Variants in ZNF385D observed in about 807,000 individuals in gnomAD.
ZNF385D encodes the protein zinc finger protein 659.
In ZNF385D, 15 loss-of-function variants were observed where a neutral mutation model predicts 35.8. The observed-to-expected ratio is 0.42, with a 90% CI of 0.28 to 0.64. ZNF385D has a LOEUF of 0.64. ZNF385D is among the 30% of genes least tolerant of loss of function. The pLI, the probability that ZNF385D is intolerant of heterozygous loss-of-function variation, is 0.23. For synonymous variants in ZNF385D, 212 were observed against 186.8 expected (o/e 1.13, Z -1.10); for missense variants, 474 against 494.6 (o/e 0.96, Z 0.39).
intron 3 of ZNF385D, among the ~76,000 whole-genome samples, chr3:22,086,408 AACAG>A (rs1368281932): frequency 4.0e-5 from 6 of 151,816 alleles, no homozygotes; most frequent in Non-Finnish European, 7.4e-5. Context: ...ATACACCAAT[AACAG>A]ACAGAGAGCC....
intron 3 of ZNF385D, among the ~76,000 whole-genome samples, chr3:21,866,321 G>A (rs1697358168): frequency 6.6e-6 from 1 of 152,062 alleles, no homozygotes; most frequent in Admixed American, 6.6e-5. Context: ...GGGCATGGTG[G>A]CGTGCACCTG....
intron 1 of ZNF385D, among the ~76,000 whole-genome samples, chr3:21,685,084 G>A (rs1006109756): frequency 1.4e-4 from 21 of 152,254 alleles, no homozygotes; most frequent in Middle Eastern, 3.4e-3. Context: ...AGGAATATAC[G>A]TTTTTAACGC....
chr3:21,793,674 A>T (rs1243119008), intron 3 of ZNF385D, among the ~76,000 whole-genome samples: 1 of 152,222 alleles, frequency 6.6e-6, no homozygotes, highest in African/African-American at 2.4e-5. Flanking sequence ...AAGCGATGGG[A>T]GCAAAACAAA....
At chr3:22,206,267 C>A (rs545769985) in intron 2 of ZNF385D, among the ~76,000 whole-genome samples, 4 of 151,910 alleles carry the variant, frequency 2.6e-5, no homozygotes, top group Non-Finnish European at 5.9e-5. Flanking sequence ...CACTGGAACA[C>A]CCAGATATAT....
chr3:22,242,358 C>G (rs899023043), intron 2 of ZNF385D, among the ~76,000 whole-genome samples: 1 of 150,998 alleles, frequency 6.6e-6, no homozygotes, highest in Non-Finnish European at 1.5e-5. Flanking sequence ...TCTCACTTAT[C>G]AAAACACAGC....
At chr3:21,822,861 A>T (rs973765513) in intron 3 of ZNF385D, among the ~76,000 whole-genome samples, 1 of 152,210 alleles carries the variant, frequency 6.6e-6, no homozygotes, top group African/African-American at 2.4e-5. Context: ...TTATATAAAG[A>T]TCAACAGCAA....
chr3:22,235,315 C>G (rs948231076), intron 2 of ZNF385D, among the ~76,000 whole-genome samples: 1 of 151,750 alleles, frequency 6.6e-6, no homozygotes, highest in African/African-American at 2.4e-5. Flanking sequence ...ATGTGAAAAA[C>G]AACTTTAAAA....
chr3:21,817,812 T>A (rs2073218929), intron 3 of ZNF385D, among the ~76,000 whole-genome samples: 1 of 152,170 alleles, frequency 6.6e-6, no homozygotes, highest in Non-Finnish European at 1.5e-5. Flanking sequence ...GACCCAGCCA[T>A]CCCATTACTG....
At chr3:22,324,010 TG>T (rs1694562753) in intron 2 of ZNF385D, among the ~76,000 whole-genome samples, 1 of 151,996 alleles carries the variant, frequency 6.6e-6, no homozygotes, top group African/African-American at 2.4e-5. Flanking sequence ...CCTAATTAAG[TG>T]TTTTAACAGA....
chr3:21,548,311 TC>T (rs1423536257), intron 3 of ZNF385D, among the ~76,000 whole-genome samples: 5 of 152,236 alleles, frequency 3.3e-5, no homozygotes, highest in African/African-American at 1.2e-4. Flanking sequence ...GAAAAATGTT[TC>T]TGGTTTTGAG....
At chr3:21,587,541 A>T (rs2063847088) in intron 2 of ZNF385D, among the ~76,000 whole-genome samples, 1 of 152,222 alleles carries the variant, frequency 6.6e-6, no homozygotes, top group African/African-American at 2.4e-5. Flanking sequence ...GGATGTGTAG[A>T]CAAGGGAATT....
chr3:22,247,705 C>T (rs948027398), intron 2 of ZNF385D, among the ~76,000 whole-genome samples: 2 of 151,828 alleles, frequency 1.3e-5, no homozygotes, highest in African/African-American at 2.4e-5. Flanking sequence ...TCTTGGCTCA[C>T]TGCAACCTCC....
chr3:21,912,009 T>C (rs1419985235), intron 3 of ZNF385D, among the ~76,000 whole-genome samples: 1 of 151,994 alleles, frequency 6.6e-6, no homozygotes, highest in South Asian at 2.1e-4. Context: ...CCTAAATCTG[T>C]TAAAATTATA....
chr3:22,223,063 C>G (rs1698353797), intron 2 of ZNF385D, among the ~76,000 whole-genome samples: 1 of 151,974 alleles, frequency 6.6e-6, no homozygotes, highest in East Asian at 1.9e-4. Context: ...AGGGTTTAAT[C>G]TATACTTTCT....
intron 3 of ZNF385D, among the ~76,000 whole-genome samples, chr3:22,129,190 GTC>G (rs377686489): frequency 2.6e-5 from 4 of 151,088 alleles, no homozygotes; most frequent in Admixed American, 6.6e-5. Flanking sequence ...AACAAACAGA[GTC>G]TCTCTCTCTC....
intron 2 of ZNF385D, among the ~76,000 whole-genome samples, chr3:21,565,377 T>TAA (rs2063107487): frequency 6.6e-6 from 1 of 152,098 alleles, no homozygotes; most frequent in African/African-American, 2.4e-5. Context: ...CCAGCTCTGA[T>TAA]AAAGTTTAGT....
intron 2 of ZNF385D, among the ~76,000 whole-genome samples, chr3:21,590,354 A>G (rs551576223): frequency 6.6e-6 from 1 of 152,214 alleles, no homozygotes; most frequent in Non-Finnish European, 1.5e-5. Flanking sequence ...GAGAAGCACA[A>G]ATTATTTTAA....
intron 3 of ZNF385D, among the ~76,000 whole-genome samples, chr3:21,957,758 A>G (rs951217210): frequency 2.0e-5 from 3 of 152,082 alleles, no homozygotes; most frequent in Non-Finnish European, 4.4e-5. Flanking sequence ...TTAGAAGGTG[A>G]TAATGCATTT....
At chr3:22,008,980 A>C (rs954534253) in intron 3 of ZNF385D, among the ~76,000 whole-genome samples, 4 of 152,196 alleles carry the variant, frequency 2.6e-5, no homozygotes, top group African/African-American at 9.6e-5. Context: ...GAAAATTATA[A>C]AACAAAACAA....
Sources: gnomAD v4.1 joint callset for allele counts (sites outside exome capture counted in the v4.1 genomes callset) on GRCh38, gnomAD v4.1.1 for gene constraint, MANE v1.5 for transcripts, NCBI Gene and HGNC (gene_info 2026-07-23, HGNC 2026-07-21) for gene names.